SLIT3: variants seen among roughly 807,000 people sequenced by gnomAD.
The protein encoded by SLIT3 is slit guidance ligand 3.
Under a neutral mutation model 184.0 loss-of-function variants are expected in SLIT3, and 68 were observed. The observed-to-expected ratio is 0.37, with a 90% CI of 0.30 to 0.45. SLIT3 has a LOEUF of 0.45. Ranked by LOEUF, SLIT3 falls within the 20% of genes least tolerant of loss-of-function variation. The pLI is 1.00. For synonymous variants in SLIT3, 831 were observed against 828.6 expected, an observed-to-expected ratio of 1.00 and a Z score of -0.05; for missense variants, 1,707 against 2,026.0, an observed-to-expected ratio of 0.84 and a Z score of 3.02.
chr5:169,220,229 A>T (rs907208522), intron 3 of SLIT3, among the ~76,000 whole-genome samples: 1 of 151,954 alleles, frequency 6.6e-6, no homozygotes. Context: ...CATGGCGGGG[A>T]TCCTCAGGCA....
At chr5:168,692,380 C>T (rs1761933452) in intron 29 of SLIT3, among the ~76,000 whole-genome samples, 1 of 152,134 alleles carries the variant, frequency 6.6e-6, no homozygotes, top group Non-Finnish European at 1.5e-5. Flanking sequence ...CTTTCTCTCT[C>T]CCTACCTACC....
At chr5:168,919,406 A>G (rs1761558334) in intron 4 of SLIT3, among the ~76,000 whole-genome samples, 1 of 152,202 alleles carries the variant, frequency 6.6e-6, no homozygotes, top group South Asian at 2.1e-4. Flanking sequence ...CTTAGCTACC[A>G]GGACACCATG....
intron 4 of SLIT3, among the ~76,000 whole-genome samples, chr5:169,054,771 A>T (rs1221576605): frequency 6.6e-6 from 1 of 152,200 alleles, no homozygotes; most frequent in Admixed American, 6.5e-5. Context: ...TCCTACGCTT[A>T]GAATACTTCA....
chr5:168,984,255 A>C (rs1755046620), intron 4 of SLIT3, among the ~76,000 whole-genome samples: 1 of 152,180 alleles, frequency 6.6e-6, no homozygotes, highest in African/African-American at 2.4e-5. Context: ...GCTGGTGAGC[A>C]CGGGTAGGGG....
At position 169,243,740 on chromosome 5, in the gene SLIT3, G is replaced by A. The variant is rs183183049; in HGVS notation, c.341+965C>T. Among the ~76,000 whole-genome samples the A allele has an allele frequency of 3.2e-4, 49 of 152,336 alleles. 1 individual carries two copies. Among genetic ancestry groups the A allele is most frequent in the Admixed American group, 2.5e-3 (39 of 15,304 alleles). ...TAAATGAGATTTGGCAACCAGACAGGTAAACAGAACACAGTTCTTCTAGGG... is the reference window on the plus strand; with the variant it reads ...TAAATGAGATTTGGCAACCAGACAGATAAACAGAACACAGTTCTTCTAGGG... On this transcript the variant is annotated intron_variant, in intron 3 of 35. Coordinates refer to ENST00000519560, the MANE Select transcript of SLIT3 (RefSeq NM_003062.4).
chr5:169,076,128 G>C (rs986427815), intron 4 of SLIT3, among the ~76,000 whole-genome samples: 11 of 152,210 alleles, frequency 7.2e-5, no homozygotes, highest in African/African-American at 2.4e-4. Flanking sequence ...GAGAAGATGG[G>C]CCTGGTGGTG....
rs955624985 is a variant in SLIT3 at position 168,881,637 on chromosome 5, T to C, written c.485+1628A>G. ...CGTTCTGGCAGGCTAATTAACATAGTTGTTTTTGGTTCATGTGAACAGTCT... is the reference window on the plus strand; with the variant it reads ...CGTTCTGGCAGGCTAATTAACATAGCTGTTTTTGGTTCATGTGAACAGTCT... On this transcript the variant is annotated intron_variant, in intron 5 of 35. Coordinates refer to ENST00000519560, the MANE Select transcript of SLIT3 (RefSeq NM_003062.4). 3.3e-5 allele frequency among the ~76,000 whole-genome samples: 5 copies of C among 152,296 alleles called. No individual in the cohort carries two copies. The East Asian group carries it at 5.8e-4, about 18-fold the overall frequency.
At position 168,661,817 on chromosome 5, in the gene SLIT3, C is replaced by T. The variant is rs1417749984; in HGVS notation, c.*4637G>A. ...TTATTTTAATGACATCTGAATATGA[C>T]AGTATATTGAAAAAAGAATGCATGT... is the stretch of plus-strand genomic sequence containing the variant. On this transcript the variant is annotated 3_prime_UTR_variant, in exon 36 of 36. Coordinates refer to ENST00000519560, the MANE Select transcript of SLIT3 (RefSeq NM_003062.4). 1.3e-5 allele frequency: 2 copies of T among 152,136 alleles called. No individual in the cohort carries two copies. Among genetic ancestry groups the T allele is most frequent in the South Asian group, 2.1e-4 (1 of 4,826 alleles). The allele number at this position is 152,136 out of a possible 1,614,324, so 9.4% of individuals were successfully genotyped here.
At chr5:169,058,525 A>G (rs1325801076) in intron 4 of SLIT3, among the ~76,000 whole-genome samples, 2 of 152,202 alleles carry the variant, frequency 1.3e-5, no homozygotes, top group African/African-American at 4.8e-5. Context: ...TGAGATATAG[A>G]AAAAATTCAG....
chr5:169,133,392 T>C (rs1335745065), intron 4 of SLIT3, among the ~76,000 whole-genome samples: 1 of 152,228 alleles, frequency 6.6e-6, no homozygotes, highest in African/African-American at 2.4e-5. Context: ...GCCTAGAGCC[T>C]GCTGGTCTAC....
chr5:168,842,378 A>G (rs982043865), intron 6 of SLIT3, among the ~76,000 whole-genome samples: 2 of 149,932 alleles, frequency 1.3e-5, no homozygotes, highest in Non-Finnish European at 3.0e-5. Flanking sequence ...TTGCAATGAT[A>G]AGGAATGAGA....
intron 3 of SLIT3, among the ~76,000 whole-genome samples, chr5:169,208,852 C>A (rs898970788): frequency 6.6e-6 from 1 of 152,120 alleles, no homozygotes; most frequent in African/African-American, 2.4e-5. Context: ...CATAAAAACC[C>A]TACAAGAAAA....
chr5:168,961,857 C>CGT (rs1756198129), intron 4 of SLIT3, among the ~76,000 whole-genome samples: 4 of 110,434 alleles, frequency 3.6e-5, no homozygotes, highest in South Asian at 2.5e-4. Flanking sequence ...TGCATGCACG[C>CGT]ATGTGTGTGT....
At chr5:168,888,140 C>T (rs1760293812) in intron 4 of SLIT3, among the ~76,000 whole-genome samples, 1 of 151,994 alleles carries the variant, frequency 6.6e-6, no homozygotes, top group Admixed American at 6.6e-5. Context: ...CCGGGAGAGA[C>T]CAGTGAGGAT....
At position 168,850,230 on chromosome 5, in the gene SLIT3, C is replaced by T. The variant is rs532362630; in HGVS notation, c.486-5575G>A. The stretch of plus-strand genomic sequence containing the variant: ...CTAATGAATTGTCACTGCTTCTCAT[C>T]ATTTGAGGGCTACTGTAATTCTACA... On this transcript the variant is annotated intron_variant, in intron 5 of 35. Coordinates refer to ENST00000519560, the MANE Select transcript of SLIT3 (RefSeq NM_003062.4). Among the ~76,000 whole-genome samples the T allele has an allele frequency of 2.0e-5, 3 of 152,328 alleles. No homozygotes were observed. In the South Asian group the frequency reaches 6.2e-4, roughly 32 times the overall value.
intron 4 of SLIT3, among the ~76,000 whole-genome samples, chr5:169,183,149 C>T (rs1033451704): frequency 1.3e-5 from 2 of 152,174 alleles, no homozygotes; most frequent in Non-Finnish European, 2.9e-5. Context: ...ACACAGTAGG[C>T]GTTCAACAAT....
chr5:168,888,973 T>A (rs1760331380), intron 4 of SLIT3, among the ~76,000 whole-genome samples: 1 of 152,220 alleles, frequency 6.6e-6, no homozygotes, highest in Non-Finnish European at 1.5e-5. Flanking sequence ...ATCTAAAATT[T>A]CCTGTACTCT....
chr5:168,740,724 C>T (rs777530446), intron 20 of SLIT3, among the ~76,000 whole-genome samples: 5 of 152,204 alleles, frequency 3.3e-5, no homozygotes, highest in Non-Finnish European at 4.4e-5. Flanking sequence ...CCATGCCTGG[C>T]CAAGGGAAGT....
At chr5:169,184,568 C>T (rs190938219) in intron 4 of SLIT3, among the ~76,000 whole-genome samples, 5 of 152,272 alleles carry the variant, frequency 3.3e-5, no homozygotes, top group Admixed American at 2.0e-4. Context: ...TTAAAGTATG[C>T]CCCTAAGTGA....
Sources: gnomAD v4.1 joint callset for allele counts (sites outside exome capture counted in the v4.1 genomes callset) on GRCh38, gnomAD v4.1.1 for gene constraint, MANE v1.5 for transcripts, NCBI Gene and HGNC (gene_info 2026-07-23, HGNC 2026-07-21) for gene names.